The following SYNGR3 variants were observed in gnomAD, a reference collection of about 807,000 sequenced individuals.
The protein encoded by SYNGR3 is synaptogyrin-3.
SYNGR3 carries 10 observed loss-of-function variants against 18.5 expected under a neutral mutation model. The observed-to-expected ratio is 0.54, with a 90% CI of 0.33 to 0.92. The LOEUF (loss-of-function observed/expected upper bound fraction) is 0.92. SYNGR3 is among the 40% of genes least tolerant of loss of function. The pLI is 0.02. For synonymous variants in SYNGR3, 188 were observed against 157.2 expected (o/e 1.20, Z -1.47); for missense variants, 335 against 332.8 (o/e 1.01, Z -0.05).
Position 1,990,126 on chromosome 16 carries a change from G to A in SYNGR3, c.24G>A (p.Ala8=). The change falls in exon 1 of 4, where the codon GCG becomes GCA. Residue 8 remains alanine, a synonymous_variant. Coordinates refer to ENST00000248121, the MANE Select transcript of SYNGR3 (RefSeq NM_004209.6). ...CCATGGAGGGCGCCTCCTTCGGCGC[G>A]GGCCGCGCAGGGGCCGCCCTGGACC... MEGASFG[A]GRAGAALDPV... is the part of the protein sequence containing the mutation. The A allele has an allele frequency of 8.2e-7, 1 of 1,220,628 alleles. No homozygotes were observed. Among genetic ancestry groups the A allele is most frequent in the Non-Finnish European group, 1.0e-6 (1 of 980,184 alleles). The allele number at this position is 1,220,628 out of a possible 1,614,324, so 75.6% of individuals were successfully genotyped here.
Position 1,992,777 on chromosome 16 carries a change from G to A in SYNGR3, c.479G>A (p.Trp160Ter). 3 of 1,553,874 alleles carry A rather than the reference G, an allele frequency of 1.9e-6. No homozygotes were observed. Among genetic ancestry groups the A allele is most frequent in the South Asian group, 1.2e-5 (1 of 84,474 alleles). ...TTCAGCTTCTTCTCCATCCTCAGCT[G>A]GGTGAGTGCGGGGCCCGGGAGGGCG... is the stretch of plus-strand genomic sequence containing the variant. The part of the protein sequence containing the change: ...IAFSFFSILS[W>*]VALTVKALQR... The change falls in exon 3 of 4, where the codon TGG (tryptophan) becomes TAG (stop). Residue 160 changes from tryptophan (W) to a stop codon, truncating the protein, a stop_gained and splice_region_variant. Transcript: ENST00000248121. LOFTEE classifies it low-confidence loss of function (END_TRUNC).
In SYNGR3 at chr16:1,992,201, G is replaced by A. The variant is rs1197886745; in HGVS notation, c.327G>A (p.Leu109=). The A allele has an allele frequency of 1.3e-5, 18 of 1,397,102 alleles. No individual in the cohort carries two copies. The highest frequency in any genetic ancestry group is 1.7e-5 in the Non-Finnish European group (18 of 1,079,404). The allele number at this position is 1,397,102 out of a possible 1,614,324, so 86.5% of individuals were successfully genotyped here. ...RDRRRAVLLD[L]GFSGLWSFLW... ...GCCGGCGCGCGGTGTTGCTGGACCT[G>A]GGCTTCTCAGGTGGGCGGGGCCGGG... The change falls in exon 2 of 4, where the codon CTG becomes CTA. Residue 109 remains leucine (L), a synonymous_variant. Transcript: ENST00000248121.
At chr16:1,990,452 T>C (rs113235071) in intron 1 of SYNGR3, 93,557 of 531,580 alleles carry the variant, frequency 0.18, 9,892 homozygotes, top group South Asian at 0.3. Context: ...GCCGGTCGCC[T>C]CTACCCCTAC....
Position 1,990,094 on chromosome 16 carries a change from G to T in SYNGR3, c.-9G>T. ...GGCGCCAGGGGCGCGCGTCCCGCCC[G>T]GGCCGGCCATGGAGGGCGCCTCCTT... On this transcript the variant is annotated 5_prime_UTR_variant, in exon 1 of 4. Coordinates refer to ENST00000248121, the MANE Select transcript of SYNGR3 (RefSeq NM_004209.6). The T allele has an allele frequency of 8.4e-7, 1 of 1,196,564 alleles. No homozygotes were observed. Among genetic ancestry groups the T allele is most frequent in the Non-Finnish European group, 1.0e-6 (1 of 963,164 alleles). The allele number at this position is 1,196,564 out of a possible 1,614,324, so 74.1% of individuals were successfully genotyped here.
In SYNGR3 at chr16:1,993,448, G is replaced by A; in HGVS notation, c.*376G>A. 3.9e-6 allele frequency: 2 copies of A among 510,098 alleles called. No homozygotes were observed. Among genetic ancestry groups the A allele is most frequent in the South Asian group, 1.5e-5 (1 of 65,040 alleles). 31.6% of individuals were successfully genotyped at this position (510,098 alleles called of 1,614,324 possible). Reference sequence around the variant, plus strand: ...AGGGGCTGCCCAGGACAAAGCGGGGGCAGGGGAAAGACACCACCCTCGCCC... The same window carrying A: ...AGGGGCTGCCCAGGACAAAGCGGGGACAGGGGAAAGACACCACCCTCGCCC... On this transcript the variant is annotated 3_prime_UTR_variant, in exon 4 of 4. Transcript: ENST00000248121.
rs375366006 is a variant in SYNGR3 at position 1,991,985 on chromosome 16, C to T, written c.111C>T (p.Ile37=). ...LLRVASWVFS[I]AVFGPIVNEG... ...CGCGCCGCACGCAGGTGTTCTCCAT[C>T]GCCGTCTTCGGGCCCATCGTCAACG... Residue 37 remains isoleucine, a synonymous_variant, in exon 2 of 4, where the codon ATC becomes ATT. Coordinates refer to ENST00000248121, the MANE Select transcript of SYNGR3 (RefSeq NM_004209.6). 1,103 of 1,595,712 alleles carry T rather than the reference C, an allele frequency of 6.9e-4. 6 individuals are homozygous for T. The highest frequency in any genetic ancestry group is 2.0e-4 in the Non-Finnish European group (237 of 1,173,262).
In SYNGR3 at chr16:1,993,142, C is replaced by G. The variant is rs771723536; in HGVS notation, c.*70C>G. On this transcript the variant is annotated 3_prime_UTR_variant, in exon 4 of 4. Coordinates refer to ENST00000248121, the MANE Select transcript of SYNGR3 (RefSeq NM_004209.6). ...GCAGGCCCCAGGGTCTCCGGGACCTCCCTTGGGTCCTTCCAGCTCAGTGCC... is the reference window on the plus strand; with the variant it reads ...GCAGGCCCCAGGGTCTCCGGGACCTGCCTTGGGTCCTTCCAGCTCAGTGCC... 1.3e-6 allele frequency: 2 copies of G among 1,522,306 alleles called. No homozygotes were observed. The highest frequency in any genetic ancestry group is 2.4e-5 in the South Asian group (2 of 84,044). The allele number at this position is 1,522,306 out of a possible 1,614,324, so 94.3% of individuals were successfully genotyped here.
rs778659013 is a variant in SYNGR3 at position 1,992,748 on chromosome 16, C to T, written c.450C>T (p.Ile150=). 7 of 1,580,130 alleles carry T rather than the reference C, an allele frequency of 4.4e-6. No homozygotes were observed. The highest frequency in any genetic ancestry group is 1.1e-5 in the South Asian group (1 of 88,540). ...TQAGDAARAA[I]AFSFFSILSW... Reference sequence around the variant, plus strand: ...CGGGGGACGCGGCGCGGGCCGCCATCGCCTTCAGCTTCTTCTCCATCCTCA... The same window carrying T: ...CGGGGGACGCGGCGCGGGCCGCCATTGCCTTCAGCTTCTTCTCCATCCTCA... The change falls in exon 3 of 4, where the codon ATC becomes ATT. Residue 150 remains isoleucine (I), a synonymous_variant. Transcript: ENST00000248121.
At position 1,992,063 on chromosome 16, in the gene SYNGR3, G is replaced by A; in HGVS notation, c.189G>A (p.Gly63=). The A allele has an allele frequency of 6.4e-7, 1 of 1,570,790 alleles. No homozygotes were observed. Among genetic ancestry groups the A allele is most frequent in the Non-Finnish European group, 8.6e-7 (1 of 1,160,152 alleles). ...SGPELRCVFN[G]NAGACRFGVA... Reference sequence around the variant, plus strand: ...CCGAGCTGCGCTGCGTGTTCAACGGGAACGCGGGCGCCTGCCGCTTCGGCG... The same window carrying A: ...CCGAGCTGCGCTGCGTGTTCAACGGAAACGCGGGCGCCTGCCGCTTCGGCG... The change falls in exon 2 of 4, where the codon GGG becomes GGA. Residue 63 remains glycine (G), a synonymous_variant. Transcript: ENST00000248121.
chr16:1,992,519 G>C lies in SYNGR3; in HGVS notation c.338-117G>C, dbSNP rs949828624. The C allele has an allele frequency of 9.0e-6, 12 of 1,334,346 alleles. No homozygotes were observed. The African/African-American group carries it at 1.9e-4, about 21-fold the overall frequency. The allele number at this position is 1,334,346 out of a possible 1,614,324, so 82.7% of individuals were successfully genotyped here. A position where few individuals can be genotyped will look rare whatever the true frequency, so the allele number is the denominator to read the frequency against. On this transcript the variant is annotated intron_variant, in intron 2 of 3. Transcript: ENST00000248121. ...AGAGGGAGGCGGGACCTCGCGCCAC[G>C]CGGCGAGCCCAGGCGAGGCGCCCCA...
chr16:1,994,205 G>C lies in SYNGR3; in HGVS notation c.*1133G>C, dbSNP rs34982570. 741 of 154,096 alleles carry C rather than the reference G, an allele frequency of 4.8e-3. 7 individuals are homozygous for C. Among genetic ancestry groups the C allele is most frequent in the Non-Finnish European group, 3.7e-3 (256 of 68,734 alleles). The allele number at this position is 154,096 out of a possible 1,614,324, so 9.5% of individuals were successfully genotyped here. ...TCCCTCTCCTGAAAGACCAGAGATT[G>C]TGTATTTTCAGTGTCCCATGTTCCG... On this transcript the variant is annotated 3_prime_UTR_variant, in exon 4 of 4. Coordinates refer to ENST00000248121, the MANE Select transcript of SYNGR3 (RefSeq NM_004209.6).
chr16:1,992,010 G>T lies in SYNGR3; in HGVS notation c.136G>T (p.Glu46Ter). The change falls in exon 2 of 4, where the codon GAG becomes TAG. Residue 46 changes from glutamate to a stop codon, truncating the protein, a stop_gained. Transcript: ENST00000248121. LOFTEE classifies it high-confidence loss of function. Reference protein sequence around the residue: ...SIAVFGPIVNEGYVNTDSGPE... With the variant: ...SIAVFGPIVN Reference sequence around the variant, plus strand: ...CGCCGTCTTCGGGCCCATCGTCAACGAGGGCTACGTGAACACCGACAGCGG... The same window carrying T: ...CGCCGTCTTCGGGCCCATCGTCAACTAGGGCTACGTGAACACCGACAGCGG... 6.3e-7 allele frequency: 1 copy of T among 1,593,446 alleles called. No homozygotes were observed. The highest frequency in any genetic ancestry group is 8.5e-7 in the Non-Finnish European group (1 of 1,171,864).
chr16:1,990,646 C>T lies in SYNGR3; in HGVS notation c.99+445C>T, dbSNP rs372569299. 5.9e-4 allele frequency: 189 copies of T among 318,384 alleles called. 1 individual carries two copies. The highest frequency in any genetic ancestry group is 2.5e-3 in the South Asian group (121 of 48,054). The allele number at this position is 318,384 out of a possible 1,614,324, so 19.7% of individuals were successfully genotyped here. A position where few individuals can be genotyped will look rare whatever the true frequency, so the allele number is the denominator to read the frequency against. On this transcript the variant is annotated intron_variant, in intron 1 of 3. Coordinates refer to ENST00000248121, the MANE Select transcript of SYNGR3 (RefSeq NM_004209.6). ...ACCCTCGGGTCTCCTTGGCAGGGAGCCTGTCCCCTGGCCCCCAGTTCCAGC... is the reference window on the plus strand; with the variant it reads ...ACCCTCGGGTCTCCTTGGCAGGGAGTCTGTCCCCTGGCCCCCAGTTCCAGC...
At position 1,993,139 on chromosome 16, in the gene SYNGR3, C is replaced by T; in HGVS notation, c.*67C>T. 2 of 1,535,626 alleles carry T rather than the reference C, an allele frequency of 1.3e-6. No individual in the cohort carries two copies. Among genetic ancestry groups the T allele is most frequent in the South Asian group, 2.4e-5 (2 of 84,450 alleles). ...AACGCAGGCCCCAGGGTCTCCGGGA[C>T]CTCCCTTGGGTCCTTCCAGCTCAGT... is the stretch of plus-strand genomic sequence containing the variant. On this transcript the variant is annotated 3_prime_UTR_variant, in exon 4 of 4. Transcript: ENST00000248121.
chr16:1,992,232 G>A (rs1325204571), intron 2 of SYNGR3, 21 bp downstream of exon 2: 2 of 1,250,500 alleles, frequency 1.6e-6, no homozygotes, highest in Admixed American at 4.0e-5. Context: ...CCGGGGCGGT[G>A]AGCGCGGAGA....
intron 1 of SYNGR3, 144 bp from the exon 2 acceptor site, chr16:1,991,830 G>A (rs1380222432): frequency 1.1e-5 from 7 of 646,372 alleles, no homozygotes; most frequent in Non-Finnish European, 1.8e-5. Context: ...AAATACGCGA[G>A]GGTTCGGGAA....
chr16:1,990,872 C>G (rs978976291), intron 1 of SYNGR3, among the ~76,000 whole-genome samples: 1 of 152,240 alleles, frequency 6.6e-6, no homozygotes, highest in Non-Finnish European at 1.5e-5. Context: ...CGCACCTCGG[C>G]GCCTGTCTTG....
intron 2 of SYNGR3, 123 bp from the exon 3 acceptor site, chr16:1,992,513 C>T: frequency 7.6e-7 from 1 of 1,308,898 alleles, no homozygotes; most frequent in South Asian, 1.6e-5. Context: ...CGGGACCTCG[C>T]GCCACGCGGC....
intron 2 of SYNGR3, 145 bp from the exon 3 acceptor site, chr16:1,992,491 A>T (rs1431306447): frequency 2.2e-5 from 25 of 1,148,884 alleles, no homozygotes; most frequent in Non-Finnish European, 2.9e-5. Flanking sequence ...GGGTCAGCGC[A>T]GGAGAGGGAG....
Sources: allele counts gnomAD v4.1 joint callset (sites outside exome capture counted in the v4.1 genomes callset), GRCh38; gene constraint gnomAD v4.1.1; transcripts MANE v1.5; gene names NCBI Gene and HGNC (gene_info 2026-07-23, HGNC 2026-07-21).